Variants in CLSPN observed in about 807,000 individuals in gnomAD.
CLSPN encodes claspin.
In CLSPN, 85 loss-of-function variants were observed where a neutral mutation model predicts 156.3. That is an observed-to-expected ratio of 0.54 (90% CI 0.46 to 0.65). The LOEUF (loss-of-function observed/expected upper bound fraction) is 0.65. Ranked by LOEUF, CLSPN falls within the 30% of genes least tolerant of loss-of-function variation. The pLI, the probability that CLSPN is intolerant of heterozygous loss-of-function variation, is 0.00. For synonymous variants in CLSPN, 534 were observed against 542.4 expected, an observed-to-expected ratio of 0.98 and a Z score of 0.22; for missense variants, 1,407 against 1,554.9, an observed-to-expected ratio of 0.90 and a Z score of 1.60.
intron 12 of CLSPN, 95 bp downstream of exon 12, chr1:35,749,371 AT>A: frequency 8.7e-7 from 1 of 1,147,296 alleles, no homozygotes; most frequent in Non-Finnish European, 1.3e-6. Context: ...AAGTGACCAG[AT>A]TTAAAAACAT....
intron 5 of CLSPN, among the ~76,000 whole-genome samples, 163 bp downstream of exon 5, chr1:35,762,241 A>G (rs1299803670): frequency 6.6e-6 from 1 of 152,238 alleles, no homozygotes; most frequent in Non-Finnish European, 1.5e-5. Flanking sequence ...CAAGTCTCAG[A>G]GAATTTGTTC....
rs1557500964 is a variant in CLSPN at position 35,738,108 on chromosome 1, AAAAAAATATAT to A, written c.3559-22_3559-12del. On this transcript the variant is annotated splice_polypyrimidine_tract_variant and intron_variant, in intron 21 of 24. Coordinates refer to ENST00000318121, the MANE Select transcript of CLSPN (RefSeq NM_022111.4). Reference sequence around the variant, plus strand: ...TTTCCCCTGCTGTGCCTGAAAAAAAAAAAAAATATATATATATATATATATATATATACAGC... The same window carrying A: ...TTTCCCCTGCTGTGCCTGAAAAAAAAATATATATATATATATATATACAGC... The A allele has an allele frequency of 1.3e-5, 8 of 626,366 alleles. No homozygotes were observed. The South Asian group carries it at 1.4e-4, about 11-fold the overall frequency. The allele number at this position is 626,366 out of a possible 1,614,324, so 38.8% of individuals were successfully genotyped here. A position where few individuals can be genotyped will look rare whatever the true frequency, so the allele number is the denominator to read the frequency against.
intron 8 of CLSPN, among the ~76,000 whole-genome samples, chr1:35,758,884 T>C (rs537530623): frequency 6.6e-6 from 1 of 150,914 alleles, no homozygotes; most frequent in African/African-American, 2.4e-5. Context: ...CTCTTGTGCC[T>C]CAGCCTCCCG....
At position 35,732,862 on chromosome 1, in the gene CLSPN, A is replaced by T. The variant is rs1557495748; in HGVS notation, c.*3634T>A. 3.0e-6 allele frequency: 3 copies of T among 985,350 alleles called. No homozygotes were observed. The East Asian group carries it at 3.4e-4, about 112-fold the overall frequency. 61.0% of individuals were successfully genotyped at this position (985,350 alleles called of 1,614,324 possible). ...AAGATCAAGGCTTAGCTTACTTTATAGCAGCCATCCTGGCATAAGGAAAAG... is the reference window on the plus strand; with the variant it reads ...AAGATCAAGGCTTAGCTTACTTTATTGCAGCCATCCTGGCATAAGGAAAAG... On this transcript the variant is annotated 3_prime_UTR_variant, in exon 25 of 25. Coordinates refer to ENST00000318121, the MANE Select transcript of CLSPN (RefSeq NM_022111.4).
chr1:35,739,418 A>G lies in CLSPN; in HGVS notation c.3255T>C (p.Asp1085=), dbSNP rs781375697. Reference sequence around the variant, plus strand: ...GTTCCTCATCAGAAGGAAGTACTTCATCAATTACGTCCTCTTCATATTCAT... The same window carrying G: ...GTTCCTCATCAGAAGGAAGTACTTCGTCAATTACGTCCTCTTCATATTCAT... ...EIDEYEEDVI[D]EVLPSDEELQ... Residue 1085 remains aspartate (D), a synonymous_variant, in exon 19 of 25, where the codon GAT becomes GAC. Coordinates refer to ENST00000318121, the MANE Select transcript of CLSPN (RefSeq NM_022111.4). 2 of 1,614,158 alleles carry G rather than the reference A, an allele frequency of 1.2e-6. No homozygotes were observed. Among genetic ancestry groups the G allele is most frequent in the Non-Finnish European group, 1.7e-6 (2 of 1,180,018 alleles).
chr1:35,733,545 C>A lies in CLSPN; in HGVS notation c.*2951G>T. On this transcript the variant is annotated 3_prime_UTR_variant, in exon 25 of 25. Coordinates refer to ENST00000318121, the MANE Select transcript of CLSPN (RefSeq NM_022111.4). ...AGGGAAGAAATATCTAGCCTTCCTG[C>A]TCAGTTCTCTTTTGCCCAGCAAGGG... 5.1e-6 allele frequency: 5 copies of A among 985,348 alleles called. No homozygotes were observed. The highest frequency in any genetic ancestry group is 6.0e-6 in the Non-Finnish European group (5 of 829,902). 61.0% of individuals were successfully genotyped at this position (985,348 alleles called of 1,614,324 possible).
In CLSPN at chr1:35,737,020, G is replaced by T. The variant is rs754030599; in HGVS notation, c.3803C>A (p.Ala1268Asp). Residue 1268 changes from alanine to aspartate, a missense_variant, in exon 24 of 25, where the codon GCT (alanine) becomes GAT (aspartate). Transcript: ENST00000318121. ...AGCACTGGGGTTATGGTCAGAGAGA[G>T]CAGCCAGTTTCTGAAGCACAGCTTT... ...QPKAVLQKLAALSDHNPSAPR... is the reference protein window; with the variant it reads ...QPKAVLQKLADLSDHNPSAPR... The T allele has an allele frequency of 6.2e-7, 1 of 1,614,158 alleles. No homozygotes were observed. Among genetic ancestry groups the T allele is most frequent in the Non-Finnish European group, 8.5e-7 (1 of 1,180,008 alleles).
intron 1 of CLSPN, among the ~76,000 whole-genome samples, chr1:35,767,786 A>G (rs906358379): frequency 1.4e-4 from 21 of 152,230 alleles, no homozygotes; most frequent in Non-Finnish European, 2.5e-4. Flanking sequence ...GACGAGAGAT[A>G]TTCAAACTGT....
rs529775926 is a variant in CLSPN at position 35,762,038 on chromosome 1, T to A, written c.855A>T (p.Ala285=). 1.4e-4 allele frequency: 223 copies of A among 1,613,700 alleles called. 1 individual carries two copies. In the South Asian group the frequency reaches 2.0e-3, roughly 15 times the overall value. Residue 285 remains alanine (A), a synonymous_variant, in exon 6 of 25, where the codon GCA becomes GCT. Transcript: ENST00000318121. The part of the protein sequence containing the change: ...ERKAARLSKE[A]LKQLHSETQR... ...GAGTCTCACTATGCAGTTGTTTTAA[T>A]GCTTCTTTACTTAATCTGGCTGCCT... is the stretch of plus-strand genomic sequence containing the variant.
At chr1:35,721,918 C>A (rs994819132) in intron 24 of CLSPN, among the ~76,000 whole-genome samples, 3 of 152,016 alleles carry the variant, frequency 2.0e-5, no homozygotes, top group East Asian at 2.0e-4. Context: ...GCAGGCGGAT[C>A]ACTTGAGGCT....
At chr1:35,728,580 C>T (rs1219673349), downstream of CLSPN, among the ~76,000 whole-genome samples, 1 of 152,056 alleles carries the variant, frequency 6.6e-6, no homozygotes, top group Non-Finnish European at 1.5e-5. Flanking sequence ...TTTGCTGCAA[C>T]TCTTTGGAAC....
chr1:35,747,013 C>T (rs79995408), intron 14 of CLSPN, 21 bp from the exon 15 acceptor site: 60 of 1,592,608 alleles, frequency 3.8e-5, no homozygotes, highest in Non-Finnish European at 4.6e-5. Context: ...ATGAGCACAA[C>T]GAATAGTGTA....
At chr1:35,768,521 C>A (rs1017892166) in intron 1 of CLSPN, among the ~76,000 whole-genome samples, 24 of 152,084 alleles carry the variant, frequency 1.6e-4, no homozygotes, top group African/African-American at 5.8e-4. Context: ...GATTCTCTCA[C>A]CTCAGCCACC....
intron 13 of CLSPN, 141 bp from the exon 14 acceptor site, chr1:35,748,202 A>C: frequency 9.8e-7 from 1 of 1,022,090 alleles, no homozygotes; most frequent in Non-Finnish European, 1.4e-6. Context: ...CACAGCCATG[A>C]GAAGCATAAA....
intron 8 of CLSPN, 132 bp from the exon 9 acceptor site, chr1:35,754,068 C>A: frequency 1.5e-6 from 1 of 683,574 alleles, no homozygotes; most frequent in Non-Finnish European, 2.4e-6. Context: ...ACCAAAAACC[C>A]CTTGCTACTA....
intron 24 of CLSPN, among the ~76,000 whole-genome samples, chr1:35,726,641 G>T (rs1472350438): frequency 1.3e-5 from 2 of 152,214 alleles, no homozygotes; most frequent in Non-Finnish European, 2.9e-5. Flanking sequence ...GGGAGAGCCA[G>T]AATGAAGTGA....
At chr1:35,766,567 C>T (rs538520066) in intron 1 of CLSPN, among the ~76,000 whole-genome samples, 11 of 152,210 alleles carry the variant, frequency 7.2e-5, no homozygotes, top group Admixed American at 4.6e-4. Context: ...GCCTCAGCCT[C>T]CCGAGTAGCT....
In CLSPN at chr1:35,764,256, T is replaced by C. The variant is rs1302077679; in HGVS notation, c.582+10A>G. ...ACCCAAGCAATAGCAAATTATTCTTTAAAATGTACCTGGTTTTTTGTTTCC... is the reference window on the plus strand; with the variant it reads ...ACCCAAGCAATAGCAAATTATTCTTCAAAATGTACCTGGTTTTTTGTTTCC... On this transcript the variant is annotated intron_variant, in intron 3 of 24. Coordinates refer to ENST00000318121, the MANE Select transcript of CLSPN (RefSeq NM_022111.4). 2.6e-6 allele frequency: 4 copies of C among 1,529,868 alleles called. No individual in the cohort carries two copies. Among genetic ancestry groups the C allele is most frequent in the Admixed American group, 2.2e-5 (1 of 44,828 alleles). The allele number at this position is 1,529,868 out of a possible 1,614,324, so 94.8% of individuals were successfully genotyped here.
downstream of CLSPN, among the ~76,000 whole-genome samples, chr1:35,727,931 G>A (rs139949939): frequency 5.3e-4 from 81 of 152,306 alleles, no homozygotes; most frequent in Non-Finnish European, 1.1e-3. Context: ...TCTTCTGTGT[G>A]TGTGCATATG....
Sources: allele counts gnomAD v4.1 joint callset (sites outside exome capture counted in the v4.1 genomes callset), GRCh38; gene constraint gnomAD v4.1.1; transcripts MANE v1.5; gene names NCBI Gene and HGNC (gene_info 2026-07-23, HGNC 2026-07-21).